Variants in RAD51B observed in about 807,000 individuals in gnomAD.
The protein encoded by RAD51B is RAD51 paralog B.
In RAD51B, 38 loss-of-function variants were observed where a neutral mutation model predicts 42.2. That is an observed-to-expected ratio of 0.90 (90% confidence interval 0.70 to 1.18). RAD51B has a LOEUF of 1.18. RAD51B is among the 50% of genes most tolerant of loss of function. The pLI is 0.00. For missense variants in RAD51B, 373 were observed against 400.7 expected, an observed-to-expected ratio of 0.93 and a Z score of 0.59; for synonymous variants, 154 against 145.2, an observed-to-expected ratio of 1.06 and a Z score of -0.43.
chr14:68,575,624 G>T (rs1387453507), intron 10 of RAD51B, among the ~76,000 whole-genome samples: 1 of 152,140 alleles, frequency 6.6e-6, no homozygotes, highest in Admixed American at 6.6e-5. Context: ...GGTGAATGGG[G>T]ATTCTCCCAA....
At chr14:68,121,132 G>A (rs1377901776) in intron 7 of RAD51B, among the ~76,000 whole-genome samples, 1 of 152,038 alleles carries the variant, frequency 6.6e-6, no homozygotes, top group South Asian at 2.1e-4. Flanking sequence ...TTTTTCTCTC[G>A]TGTTTCAAGT....
intron 9 of RAD51B, among the ~76,000 whole-genome samples, chr14:68,419,095 A>G (rs7154175): frequency 0.79 from 120,517 of 152,164 alleles, 48,528 homozygotes; most frequent in East Asian, 0.95. Flanking sequence ...TAGGATCTGC[A>G]GTTTTTAGCA....
At chr14:68,630,100 T>C (rs1400417075) in intron 10 of RAD51B, among the ~76,000 whole-genome samples, 2 of 152,248 alleles carry the variant, frequency 1.3e-5, no homozygotes, top group Middle Eastern at 3.2e-3. Context: ...AAAAGGTTTT[T>C]GGTATTCAGG....
chr14:67,961,281 C>T (rs1208342401), intron 7 of RAD51B, among the ~76,000 whole-genome samples: 1 of 152,186 alleles, frequency 6.6e-6, no homozygotes, highest in African/African-American at 2.4e-5. Flanking sequence ...GTTGGGATTA[C>T]AGACACAAGC....
At chr14:68,640,640 A>C (rs1436164868) in intron 10 of RAD51B, among the ~76,000 whole-genome samples, 1 of 152,254 alleles carries the variant, frequency 6.6e-6, no homozygotes, top group East Asian at 1.9e-4. Flanking sequence ...TAGTATTTTT[A>C]GAAGAGGGAG....
chr14:68,112,497 A>T (rs1228347215), intron 7 of RAD51B, among the ~76,000 whole-genome samples: 1 of 152,168 alleles, frequency 6.6e-6, no homozygotes, highest in Non-Finnish European at 1.5e-5. Flanking sequence ...CACAGTCACA[A>T]ATCTAATTCT....
intron 10 of RAD51B, among the ~76,000 whole-genome samples, chr14:68,484,197 A>G (rs1883424886): frequency 6.6e-6 from 1 of 152,176 alleles, no homozygotes; most frequent in Admixed American, 6.5e-5. Flanking sequence ...CAAGTACACA[A>G]GCTGCTTCCA....
At chr14:68,224,838 T>C (rs2080003364) in intron 7 of RAD51B, among the ~76,000 whole-genome samples, 2 of 151,906 alleles carry the variant, frequency 1.3e-5, no homozygotes, top group African/African-American at 4.8e-5. Context: ...GGATTACAGG[T>C]GTCCGCTGCC....
At chr14:68,085,481 G>A (rs2076970555) in intron 7 of RAD51B, among the ~76,000 whole-genome samples, 2 of 152,156 alleles carry the variant, frequency 1.3e-5, no homozygotes, top group Admixed American at 6.5e-5. Flanking sequence ...AGTTAAGGAA[G>A]CCAAAGGAAG....
At chr14:68,466,537 C>G (rs1490203847) in intron 9 of RAD51B, among the ~76,000 whole-genome samples, 1 of 152,244 alleles carries the variant, frequency 6.6e-6, no homozygotes, top group Non-Finnish European at 1.5e-5. Flanking sequence ...GTGGGAGACA[C>G]TGATGCTCTC....
chr14:68,249,688 G>A (rs1432211527), intron 7 of RAD51B, among the ~76,000 whole-genome samples: 1 of 152,188 alleles, frequency 6.6e-6, no homozygotes, highest in Non-Finnish European at 1.5e-5. Flanking sequence ...TGTTTAGCTG[G>A]AGGTCCAGGT....
intron 8 of RAD51B, among the ~76,000 whole-genome samples, chr14:68,401,656 A>G (rs1367681037): frequency 6.6e-6 from 1 of 151,914 alleles, no homozygotes; most frequent in Non-Finnish European, 1.5e-5. Context: ...CAGGAATGAA[A>G]TTTTCTGCTT....
chr14:68,537,678 C>T (rs1329712916), intron 10 of RAD51B, among the ~76,000 whole-genome samples: 2 of 152,110 alleles, frequency 1.3e-5, no homozygotes, highest in African/African-American at 2.4e-5. Context: ...AGATTTAGCC[C>T]ATATCTTGAG....
intron 10 of RAD51B, chr14:68,563,399 C>A (rs772124082): frequency 2.1e-4 from 207 of 985,446 alleles, no homozygotes; most frequent in Non-Finnish European, 2.4e-4. Context: ...TTCCCGCCCC[C>A]CAAGTCCAGA....
chr14:68,356,107 T>G (rs1295475935), intron 8 of RAD51B, among the ~76,000 whole-genome samples: 1 of 152,142 alleles, frequency 6.6e-6, no homozygotes, highest in East Asian at 1.9e-4. Flanking sequence ...TGCAATAAAG[T>G]GAAATACATT....
intron 7 of RAD51B, among the ~76,000 whole-genome samples, chr14:68,260,606 C>G (rs978590676): frequency 6.6e-6 from 1 of 152,076 alleles, no homozygotes; most frequent in Non-Finnish European, 1.5e-5. Context: ...TTAGCAAAGC[C>G]TGTTTGTTTA....
chr14:67,977,507 T>C (rs1476956903), intron 7 of RAD51B, among the ~76,000 whole-genome samples: 1 of 152,228 alleles, frequency 6.6e-6, no homozygotes, highest in Non-Finnish European at 1.5e-5. Context: ...AGAACAGGTA[T>C]TAAGTAGCAA....
intron 9 of RAD51B, chr14:68,422,166 C>T (rs759231392): frequency 8.2e-5 from 105 of 1,281,312 alleles, no homozygotes; most frequent in Non-Finnish European, 1.2e-4. Flanking sequence ...CTGTCGACGG[C>T]AAATTCAAAG....
At chr14:67,926,177 C>G (rs963038065) in intron 7 of RAD51B, among the ~76,000 whole-genome samples, 1 of 152,164 alleles carries the variant, frequency 6.6e-6, no homozygotes, top group Admixed American at 6.5e-5. Flanking sequence ...TCTTTTCTAT[C>G]GCATTGCCAG....
Sources: gnomAD v4.1 joint callset for allele counts (sites outside exome capture counted in the v4.1 genomes callset) on GRCh38, gnomAD v4.1.1 for gene constraint, MANE v1.5 for transcripts, NCBI Gene and HGNC (gene_info 2026-07-23, HGNC 2026-07-21) for gene names.